The following MAPK10 variants were observed in gnomAD, a reference collection of about 807,000 sequenced individuals.
MAPK10 encodes mitogen-activated protein kinase 10.
A neutral mutation model predicts 59.3 loss-of-function variants in MAPK10; 25 were observed. The observed-to-expected ratio is 0.42, with a 90% confidence interval of 0.31 to 0.59. MAPK10 has a LOEUF of 0.59. Ranked by LOEUF, MAPK10 falls within the 20% of genes least tolerant of loss-of-function variation. The pLI, the probability that MAPK10 is intolerant of heterozygous loss-of-function variation, is 0.15. For synonymous variants in MAPK10, 190 were observed against 200.5 expected, an observed-to-expected ratio of 0.95 and a Z score of 0.44; for missense variants, 351 against 568.9, an observed-to-expected ratio of 0.62 and a Z score of 3.90.
intron 2 of MAPK10, among the ~76,000 whole-genome samples, chr4:86,307,320 G>C (rs918278320): frequency 2.6e-5 from 4 of 152,120 alleles, no homozygotes; most frequent in Non-Finnish European, 5.9e-5. Context: ...GTACCTGAGA[G>C]GTACTTAGAG....
chr4:86,499,507 C>T (rs1049026446), intron 1 of MAPK10, among the ~76,000 whole-genome samples: 1 of 152,046 alleles, frequency 6.6e-6, no homozygotes, highest in East Asian at 1.9e-4. Flanking sequence ...CTCCAGGTCA[C>T]GAAACACACT....
At chr4:86,526,966 T>A (rs1757508816) in intron 1 of MAPK10, among the ~76,000 whole-genome samples, 1 of 152,076 alleles carries the variant, frequency 6.6e-6, no homozygotes, top group African/African-American at 2.4e-5. Context: ...TAAGACTTGC[T>A]TTATGGCCAA....
At chr4:86,125,268 G>C (rs2059891008) in intron 4 of MAPK10, 1 of 151,276 alleles carries the variant, frequency 6.6e-6, no homozygotes, top group Non-Finnish European at 1.5e-5. Flanking sequence ...TTAAAAAGCT[G>C]ACTTCAGAAA....
intron 2 of MAPK10, among the ~76,000 whole-genome samples, chr4:86,205,184 G>C (rs78063661): frequency 0.085 from 12,892 of 151,950 alleles, 1,211 homozygotes; most frequent in African/African-American, 0.23. Flanking sequence ...AAACCAAAGA[G>C]AGCTAGTATC....
chr4:86,382,510 C>T (rs1419071210), intron 1 of MAPK10, among the ~76,000 whole-genome samples: 1 of 152,090 alleles, frequency 6.6e-6, no homozygotes, highest in African/African-American at 2.4e-5. Context: ...ACCTGTGGAC[C>T]GAAAAGCATT....
chr4:86,290,367 C>G (rs1416634843), intron 2 of MAPK10, among the ~76,000 whole-genome samples: 1 of 152,186 alleles, frequency 6.6e-6, no homozygotes, highest in Non-Finnish European at 1.5e-5. Context: ...TCCAGGAATG[C>G]TGTTCCAGAT....
chr4:86,515,886 T>TTG (rs1579450963), intron 1 of MAPK10, among the ~76,000 whole-genome samples: 1 of 62,390 alleles, frequency 1.6e-5, no homozygotes, highest in Admixed American at 1.7e-4. Flanking sequence ...TTTGTTGTTG[T>TTG]TTTTTTTTTG....
intron 2 of MAPK10, among the ~76,000 whole-genome samples, chr4:86,345,376 A>G (rs941937481): frequency 2.6e-5 from 4 of 152,192 alleles, no homozygotes; most frequent in Admixed American, 2.0e-4. Flanking sequence ...ATTCTCTCAT[A>G]TACAGTTGAA....
At chr4:86,314,222 G>A (rs2095730019) in intron 2 of MAPK10, among the ~76,000 whole-genome samples, 1 of 152,136 alleles carries the variant, frequency 6.6e-6, no homozygotes, top group Non-Finnish European at 1.5e-5. Context: ...CAGGCTCCTG[G>A]AAATATTCTA....
chr4:86,458,499 ATGACC>A (rs761085722), intron 1 of MAPK10, among the ~76,000 whole-genome samples: 3 of 152,144 alleles, frequency 2.0e-5, no homozygotes, highest in Non-Finnish European at 4.4e-5. Context: ...GACGCATCAC[ATGACC>A]TGATTTCAAA....
intron 2 of MAPK10, among the ~76,000 whole-genome samples, chr4:86,346,160 C>T (rs17450827): frequency 0.012 from 1,799 of 152,220 alleles, 19 homozygotes; most frequent in South Asian, 0.034. Context: ...CTTTGTTAAC[C>T]TGAACCCTGG....
intron 2 of MAPK10, among the ~76,000 whole-genome samples, chr4:86,229,000 T>C (rs1395256821): frequency 6.6e-6 from 1 of 152,206 alleles, no homozygotes; most frequent in East Asian, 1.9e-4. Context: ...TGTATCGTCT[T>C]TCAGAGAAAG....
intron 3 of MAPK10, among the ~76,000 whole-genome samples, chr4:86,183,629 AT>A (rs1196352141): frequency 6.6e-6 from 1 of 152,086 alleles, no homozygotes; most frequent in African/African-American, 2.4e-5. Context: ...TAGTGGCATG[AT>A]TTGTAATCCT....
intron 1 of MAPK10, among the ~76,000 whole-genome samples, chr4:86,557,226 G>A (rs893491571): frequency 6.6e-6 from 1 of 151,988 alleles, no homozygotes; most frequent in African/African-American, 2.4e-5. Flanking sequence ...GGTAAATGTT[G>A]TAAAGATATA....
At chr4:86,376,321 A>T (rs1739806231) in intron 1 of MAPK10, among the ~76,000 whole-genome samples, 2 of 152,232 alleles carry the variant, frequency 1.3e-5, no homozygotes, top group South Asian at 4.1e-4. Context: ...AGTGAATAAC[A>T]TGCTGGTAAT....
At chr4:86,368,049 G>C (rs1374683026) in intron 1 of MAPK10, among the ~76,000 whole-genome samples, 1 of 152,056 alleles carries the variant, frequency 6.6e-6, no homozygotes, top group Non-Finnish European at 1.5e-5. Context: ...TGTTGGAATG[G>C]GAAACACAGA....
intron 1 of MAPK10, among the ~76,000 whole-genome samples, chr4:86,379,336 C>T (rs892691831): frequency 2.6e-5 from 4 of 152,288 alleles, no homozygotes; most frequent in Middle Eastern, 6.8e-3. Context: ...AAAGGGAACA[C>T]AAAAACAGGA....
At chr4:86,315,060 C>T (rs973409021) in intron 2 of MAPK10, among the ~76,000 whole-genome samples, 1 of 151,620 alleles carries the variant, frequency 6.6e-6, no homozygotes, top group Non-Finnish European at 1.5e-5. Flanking sequence ...GATGAATATC[C>T]CTATATAGTC....
At chr4:86,514,925 T>C (rs530689232) in intron 1 of MAPK10, among the ~76,000 whole-genome samples, 1 of 152,210 alleles carries the variant, frequency 6.6e-6, no homozygotes, top group Non-Finnish European at 1.5e-5. Flanking sequence ...GTGTGATTTC[T>C]GAGATTTTGG....
Sources: allele counts gnomAD v4.1 joint callset (sites outside exome capture counted in the v4.1 genomes callset), GRCh38; gene constraint gnomAD v4.1.1; transcripts MANE v1.5; gene names NCBI Gene and HGNC (gene_info 2026-07-23, HGNC 2026-07-21).